POLDIP2: variants seen among roughly 807,000 people sequenced by gnomAD.
The protein encoded by POLDIP2 is DNA polymerase delta interacting protein 2.
Under a neutral mutation model 52.9 loss-of-function variants are expected in POLDIP2, and 32 were observed. The observed-to-expected ratio is 0.61, with a 90% CI of 0.46 to 0.81. The LOEUF is 0.81. Among genes scored for constraint, POLDIP2 ranks in the 40% least tolerant of loss-of-function variants. The probability of loss-of-function intolerance (pLI) is 0.00; values close to 1 mark genes in which losing one functional copy is unlikely to be tolerated. For synonymous variants in POLDIP2, 183 were observed against 183.0 expected (o/e 1.00, Z 0.00); for missense variants, 371 against 477.3 (o/e 0.78, Z 2.07).
chr17:28,354,719 T>G (rs782743603), intron 2 of POLDIP2, 134 bp from the exon 3 acceptor site: 23 of 668,458 alleles, frequency 3.4e-5, no homozygotes, highest in South Asian at 2.4e-4. Flanking sequence ...AAGTCTGTGA[T>G]CAACCAGACC....
In POLDIP2 at chr17:28,353,799, G is replaced by A. The variant is rs1555580489; in HGVS notation, c.342-8C>T. ...CCAGCAGGGTTCTCTGCTCTATGGGGTGGGAGAAGGAGGCCAAGATCACCC... is the reference window on the plus strand; with the variant it reads ...CCAGCAGGGTTCTCTGCTCTATGGGATGGGAGAAGGAGGCCAAGATCACCC... On this transcript the variant is annotated splice_polypyrimidine_tract_variant and splice_region_variant and intron_variant, in intron 3 of 10. Transcript: ENST00000540200. 3 of 1,597,068 alleles carry A rather than the reference G, an allele frequency of 1.9e-6. No homozygotes were observed. The highest frequency in any genetic ancestry group is 2.6e-6 in the Non-Finnish European group (3 of 1,164,702).
chr17:28,354,966 C>A (rs1259809352), intron 2 of POLDIP2, among the ~76,000 whole-genome samples: 1 of 152,182 alleles, frequency 6.6e-6, no homozygotes, highest in Non-Finnish European at 1.5e-5. Flanking sequence ...TGTAGGCACA[C>A]AGAAAAATAA....
chr17:28,354,557 C>T lies in POLDIP2; in HGVS notation c.272G>A (p.Arg91Gln), dbSNP rs1488954383. 3 of 1,561,424 alleles carry T rather than the reference C, an allele frequency of 1.9e-6. No individual in the cohort carries two copies. Among genetic ancestry groups the T allele is most frequent in the Non-Finnish European group, 2.6e-6 (3 of 1,152,650 alleles). Residue 91 changes from arginine (R) to glutamine (Q), a missense_variant, in exon 3 of 11, where the codon CGA becomes CAA. By Grantham distance (43) the Arg-to-Gln change is conservative. Transcript: ENST00000540200. Reference protein sequence around the residue: ...QLFLHSIFGYRGVVLFPWQAR... With the variant: ...QLFLHSIFGYQGVVLFPWQAR... The stretch of plus-strand genomic sequence containing the variant: ...CTGCCAGGGAAACAGGACGACACCT[C>T]GGTAGCCAAAAATGCTATGAAGGAA...
rs547773834 is a variant in POLDIP2, at chr17:28,350,775, G to C, written c.777C>G (p.His259Gln). 6.3e-7 allele frequency: 1 copy of C among 1,595,166 alleles called. No individual in the cohort carries two copies. ...YMGMREAQNSHVYWWRYCIRL... is the reference protein window; with the variant it reads ...YMGMREAQNSQVYWWRYCIRL... ...AGACAGTGACACTCACCCAGTACAC[G>C]TGGGAATTCTGGGCTTCCTAGGGAG... is the stretch of plus-strand genomic sequence containing the variant. Residue 259 changes from histidine to glutamine, a missense_variant, in exon 8 of 11, where the codon CAC (histidine) becomes CAG (glutamine). Coordinates refer to ENST00000540200, the MANE Select transcript of POLDIP2 (RefSeq NM_015584.5).
chr17:28,356,186 A>C (rs1265548345), intron 1 of POLDIP2, among the ~76,000 whole-genome samples: 2 of 150,586 alleles, frequency 1.3e-5, no homozygotes, highest in Admixed American at 1.3e-4. Context: ...CACCCTCCTG[A>C]CCTCCCACAG....
rs113989645 is a variant in POLDIP2, at chr17:28,349,164, T to C, written c.913-2A>G. 3.1e-6 allele frequency: 5 copies of C among 1,611,838 alleles called. No homozygotes were observed. The highest frequency in any genetic ancestry group is 4.2e-6 in the Non-Finnish European group (5 of 1,178,784). ...CTGCTCCTTGGATAACACTGGTTCC[T>C]GTAAAGGTTTAGGCAAAATGGGTCA... On this transcript the variant is annotated splice_acceptor_variant, in intron 9 of 10. Transcript: ENST00000540200. LOFTEE classifies it high-confidence loss of function.
chr17:28,350,716 C>T (rs782454263), intron 8 of POLDIP2, 50 bp downstream of exon 8: 5 of 1,581,910 alleles, frequency 3.2e-6, no homozygotes, highest in African/African-American at 1.4e-5. Flanking sequence ...TCCACCCTGA[C>T]CCCCAGGCAC....
chr17:28,354,381 G>T, intron 3 of POLDIP2, 107 bp downstream of exon 3: 1 of 771,056 alleles, frequency 1.3e-6, no homozygotes, highest in Non-Finnish European at 2.2e-6. Flanking sequence ...CTCTGGGGAT[G>T]TTTCCAAGGC....
At position 28,357,427 on chromosome 17, in the gene POLDIP2, G is replaced by T; in HGVS notation, c.22C>A (p.Arg8=). Residue 8 remains arginine, a synonymous_variant, in exon 1 of 11, where the codon CGG becomes AGG. Coordinates refer to ENST00000540200, the MANE Select transcript of POLDIP2 (RefSeq NM_015584.5). ...CAGCGGCTGCCCACGGCCAGGGCCC[G>T]CCGGGCTGTACAGGCTGCCATGTCC... MAACTAR[R]ALAVGSRWWS... is the part of the protein sequence containing the mutation. 1 of 1,495,988 alleles carries T rather than the reference G, an allele frequency of 6.7e-7. No individual in the cohort carries two copies. Among genetic ancestry groups the T allele is most frequent in the Non-Finnish European group, 8.8e-7 (1 of 1,131,980 alleles). The allele number at this position is 1,495,988 out of a possible 1,614,324, so 92.7% of individuals were successfully genotyped here. A position where few individuals can be genotyped will look rare whatever the true frequency, so the allele number is the denominator to read the frequency against.
chr17:28,356,631 C>T (rs928420530), intron 1 of POLDIP2, among the ~76,000 whole-genome samples: 2 of 152,176 alleles, frequency 1.3e-5, no homozygotes, highest in African/African-American at 4.8e-5. Context: ...TAATATCAGC[C>T]ACTAAAATGT....
chr17:28,349,219 C>T, intron 9 of POLDIP2, 57 bp from the exon 10 acceptor site: 1 of 1,302,754 alleles, frequency 7.7e-7, no homozygotes, highest in South Asian at 1.3e-5. Flanking sequence ...GTTTCCTGCA[C>T]CCCAGGGTTA....
At chr17:28,353,534 A>AAAAAAAAAAAAAAAAAAAAAAAAAAAAC (rs1907901148) in intron 4 of POLDIP2, among the ~76,000 whole-genome samples, 161 bp downstream of exon 4, 2 of 147,470 alleles carry the variant, frequency 1.4e-5, no homozygotes, top group Non-Finnish European at 3.0e-5. Flanking sequence ...AAAAAAAAAA[A>AAAAAAAAAAAAAAAAAAAAAAAAAAAAC]AGACGTGAAT....
intron 3 of POLDIP2, 94 bp from the exon 4 acceptor site, chr17:28,353,885 G>A (rs1044488784): frequency 3.7e-6 from 3 of 815,350 alleles, no homozygotes; most frequent in Non-Finnish European, 6.5e-6. Flanking sequence ...AAACAGGCTG[G>A]TCTCTGATCT....
intron 10 of POLDIP2, among the ~76,000 whole-genome samples, chr17:28,348,879 C>T (rs1555579387): frequency 1.3e-5 from 2 of 152,208 alleles, no homozygotes; most frequent in Admixed American, 1.3e-4. Context: ...AGCCTAAGTC[C>T]TCAGTCCACA....
chr17:28,356,015 G>A (rs1555580866), intron 1 of POLDIP2, 139 bp from the exon 2 acceptor site: 3 of 646,228 alleles, frequency 4.6e-6, no homozygotes, highest in East Asian at 5.6e-5. Context: ...ACCAGCTGGA[G>A]CAGGAAAGGC....
intron 2 of POLDIP2, 66 bp from the exon 3 acceptor site, chr17:28,354,651 C>A: frequency 9.9e-7 from 1 of 1,012,932 alleles, no homozygotes; most frequent in Non-Finnish European, 1.5e-6. Flanking sequence ...GGCCCCAGAC[C>A]ACAAAGCAAC....
In POLDIP2 at chr17:28,353,310, T is replaced by G; in HGVS notation, c.445A>C (p.Arg149=). 6.3e-7 allele frequency: 1 copy of G among 1,576,562 alleles called. No individual in the cohort carries two copies. The highest frequency in any genetic ancestry group is 8.7e-7 in the Non-Finnish European group (1 of 1,149,082). Residue 149 remains arginine, a synonymous_variant, in exon 5 of 11, where the codon AGA becomes CGA. Coordinates refer to ENST00000540200, the MANE Select transcript of POLDIP2 (RefSeq NM_015584.5). The part of the protein sequence containing the change: ...DARDCPHISQ[R]SQTEAVTFLA... ...AAGGTCACAGCTTCTGTCTGAGATC[T>G]CTGAGACTAAGGCAAGAAGTGAATC...
chr17:28,355,395 G>A (rs1279353940), intron 2 of POLDIP2, among the ~76,000 whole-genome samples: 1 of 152,206 alleles, frequency 6.6e-6, no homozygotes, highest in Non-Finnish European at 1.5e-5. Flanking sequence ...ATCACCTGAG[G>A]TCGGGAGCTC....
chr17:28,350,380 G>A (rs1281201986), intron 9 of POLDIP2, 58 bp downstream of exon 9: 4 of 1,487,706 alleles, frequency 2.7e-6, no homozygotes, highest in Non-Finnish European at 1.8e-6. Context: ...AGGAAGCCAT[G>A]CGCTAAGCCC....
Sources: allele counts gnomAD v4.1 joint callset (sites outside exome capture counted in the v4.1 genomes callset), GRCh38; gene constraint gnomAD v4.1.1; transcripts MANE v1.5; gene names NCBI Gene and HGNC (gene_info 2026-07-23, HGNC 2026-07-21).